Variants in GALNT13 observed in about 807,000 individuals in gnomAD.
The protein encoded by GALNT13 is UDP-GalNAc:polypeptide N-acetylgalactosaminyltransferase 13.
In GALNT13, 28 loss-of-function variants were observed where a neutral mutation model predicts 64.2. The observed-to-expected ratio is 0.44, with a 90% CI of 0.32 to 0.60. The LOEUF (loss-of-function observed/expected upper bound fraction) is 0.60, where lower values mean the gene tolerates loss of function less well. Among genes scored for constraint, GALNT13 ranks in the 20% least tolerant of loss-of-function variants. The probability of loss-of-function intolerance (pLI) is 0.05; values close to 1 mark genes in which losing one functional copy is unlikely to be tolerated. For missense variants in GALNT13, 577 were observed against 669.8 expected (o/e 0.86, Z 1.53); for synonymous variants, 214 against 224.6 (o/e 0.95, Z 0.42).
the GALNT13 span, among the ~76,000 whole-genome samples, chr2:153,504,393 G>A: frequency 6.6e-6 from 1 of 152,066 alleles, no homozygotes; most frequent in Middle Eastern, 3.2e-3. Flanking sequence ...CTTGTCTGAT[G>A]GCTTTGCCTA....
chr2:153,623,933 C>T, the GALNT13 span, among the ~76,000 whole-genome samples: 2 of 151,932 alleles, frequency 1.3e-5, no homozygotes, highest in Non-Finnish European at 2.9e-5. Context: ...GGCTTAAATA[C>T]CGAATTTTCT....
At chr2:153,708,557 T>G in the GALNT13 span, among the ~76,000 whole-genome samples, 1 of 152,170 alleles carries the variant, frequency 6.6e-6, no homozygotes, top group African/African-American at 2.4e-5. Context: ...TTAAAAAAAT[T>G]GAAAGGACTG....
chr2:153,579,720 C>T, the GALNT13 span, among the ~76,000 whole-genome samples: 2 of 152,036 alleles, frequency 1.3e-5, no homozygotes, highest in Non-Finnish European at 2.9e-5. Context: ...AAGGTGTTAC[C>T]GCCTGAGCTC....
At chr2:153,908,400 T>C (rs940993188) in intron 2 of GALNT13, among the ~76,000 whole-genome samples, 2 of 152,196 alleles carry the variant, frequency 1.3e-5, no homozygotes, top group Admixed American at 1.3e-4. Flanking sequence ...TTGAGTTAGA[T>C]CCCATTTGTC....
chr2:153,285,196 A>G, the GALNT13 span, among the ~76,000 whole-genome samples: 3 of 152,096 alleles, frequency 2.0e-5, no homozygotes, highest in Non-Finnish European at 4.4e-5. Context: ...ATCAGATCTC[A>G]TGAGACTCAC....
the GALNT13 span, among the ~76,000 whole-genome samples, chr2:153,597,442 A>T: frequency 6.6e-6 from 1 of 152,106 alleles, no homozygotes; most frequent in African/African-American, 2.4e-5. Flanking sequence ...TGCAAAAAAA[A>T]TAAAGTTAGA....
the GALNT13 span, among the ~76,000 whole-genome samples, chr2:153,174,269 G>T: frequency 7.9e-5 from 12 of 152,252 alleles, no homozygotes; most frequent in African/African-American, 2.9e-4. Flanking sequence ...CAAATAGTTC[G>T]ATTGGTTTAT....
At chr2:153,780,505 G>T in the GALNT13 span, among the ~76,000 whole-genome samples, 2 of 151,742 alleles carry the variant, frequency 1.3e-5, no homozygotes, top group East Asian at 2.0e-4. Context: ...TCATATTTCT[G>T]GTTCTAAGGA....
At chr2:153,617,662 A>G in the GALNT13 span, among the ~76,000 whole-genome samples, 2 of 151,910 alleles carry the variant, frequency 1.3e-5, no homozygotes, top group African/African-American at 4.8e-5. Flanking sequence ...GATAGAATTC[A>G]GCAATAAAAC....
the GALNT13 span, among the ~76,000 whole-genome samples, chr2:153,620,998 C>CT: frequency 6.6e-6 from 1 of 152,070 alleles, no homozygotes; most frequent in African/African-American, 2.4e-5. Flanking sequence ...CACTGTGTTT[C>CT]TTGCAGACTT....
At chr2:153,411,150 A>G in the GALNT13 span, among the ~76,000 whole-genome samples, 1 of 141,672 alleles carries the variant, frequency 7.1e-6, no homozygotes, top group Admixed American at 7.7e-5. Flanking sequence ...GCCACTGTAC[A>G]TGGCATATAT....
chr2:153,319,663 GC>G, the GALNT13 span, among the ~76,000 whole-genome samples: 2 of 152,074 alleles, frequency 1.3e-5, no homozygotes, highest in African/African-American at 2.4e-5. Flanking sequence ...TGATATTTGA[GC>G]CCCAGGAAGA....
At chr2:153,181,768 CAAATAT>C in the GALNT13 span, among the ~76,000 whole-genome samples, 3 of 141,760 alleles carry the variant, frequency 2.1e-5, no homozygotes, top group Non-Finnish European at 4.6e-5. Context: ...GTATATAATA[CAAATAT>C]AAATTTATAT....
the GALNT13 span, among the ~76,000 whole-genome samples, chr2:153,070,792 C>T: frequency 1.1e-4 from 16 of 152,236 alleles, no homozygotes; most frequent in South Asian, 2.3e-3. Context: ...ATATTTATTA[C>T]GTTTATAAAA....
At chr2:154,172,867 G>T (rs1462900752) in intron 4 of GALNT13, among the ~76,000 whole-genome samples, 2 of 151,886 alleles carry the variant, frequency 1.3e-5, no homozygotes, top group Non-Finnish European at 2.9e-5. Context: ...TGGATTGGAA[G>T]AATTAATATT....
chr2:154,284,422 A>T (rs1692140454), intron 8 of GALNT13, among the ~76,000 whole-genome samples: 1 of 152,002 alleles, frequency 6.6e-6, no homozygotes, highest in African/African-American at 2.4e-5. Context: ...CATCCATATT[A>T]TCACAAATAA....
intron 8 of GALNT13, among the ~76,000 whole-genome samples, chr2:154,291,068 A>C (rs867580660): frequency 5.3e-5 from 8 of 152,002 alleles, no homozygotes; most frequent in Admixed American, 2.0e-4. Context: ...GAGCAAAAGA[A>C]CAAACCTTCC....
At chr2:153,513,012 A>G in the GALNT13 span, among the ~76,000 whole-genome samples, 1 of 152,238 alleles carries the variant, frequency 6.6e-6, no homozygotes, top group Non-Finnish European at 1.5e-5. Flanking sequence ...TTCTGAGAAA[A>G]GAAATTGTAA....
Position 154,102,536 on chromosome 2 carries a change from G to A in GALNT13, c.143-37801G>A, listed in dbSNP as rs147735232. On this transcript the variant is annotated intron_variant, in intron 3 of 12. Transcript: ENST00000392825. The stretch of plus-strand genomic sequence containing the variant: ...GAGACTTGGGTAAAATCGTGGGAGT[G>A]GGGTGAGGGATAAAATGCTACCCAC... Among the ~76,000 whole-genome samples, 1,068 of 152,170 alleles carry A rather than the reference G, an allele frequency of 7.0e-3. 11 individuals are homozygous for A. Among genetic ancestry groups the A allele is most frequent in the African/African-American group, 0.024 (984 of 41,530 alleles).
Sources: gnomAD v4.1 joint callset for allele counts (sites outside exome capture counted in the v4.1 genomes callset) on GRCh38, gnomAD v4.1.1 for gene constraint, MANE v1.5 for transcripts, NCBI Gene and HGNC (gene_info 2026-07-23, HGNC 2026-07-21) for gene names.